The following LPA variants were observed in gnomAD, a reference collection of about 807,000 sequenced individuals.
The protein encoded by LPA is lipoprotein(a).
Under a neutral mutation model 197.9 loss-of-function variants are expected in LPA, and 199 were observed. The observed-to-expected ratio is 1.01, with a 90% CI of 0.90 to 1.13. The LOEUF is 1.13. Among genes scored for constraint, LPA ranks in the 50% most tolerant of loss-of-function variants. The probability of loss-of-function intolerance (pLI) is 0.00; values close to 1 mark genes in which losing one functional copy is unlikely to be tolerated. For missense variants in LPA, 1,853 were observed against 1,785.8 expected, an observed-to-expected ratio of 1.04 and a Z score of -0.68; for synonymous variants, 715 against 639.5, an observed-to-expected ratio of 1.12 and a Z score of -1.78.
Position 160,585,304 on chromosome 6 carries a change from T to C in LPA, c.4130-99A>G, listed in dbSNP as rs370373038. ...AGTGGAATAATCTGAGGATTAACAA[T>C]TTACACTCTTCTATATTAGCATGCA... On this transcript the variant is annotated intron_variant, in intron 25 of 38. Transcript: ENST00000316300. The C allele has an allele frequency of 3.6e-6, 4 of 1,105,786 alleles. No individual in the cohort carries two copies. The East Asian group carries it at 7.0e-5, about 19-fold the overall frequency. 68.5% of individuals were successfully genotyped at this position (1,105,786 alleles called of 1,614,324 possible). A position where few individuals can be genotyped will look rare whatever the true frequency, so the allele number is the denominator to read the frequency against.
At chr6:160,597,212 C>T (rs553482838) in intron 20 of LPA, among the ~76,000 whole-genome samples, 2 of 152,262 alleles carry the variant, frequency 1.3e-5, no homozygotes, top group Admixed American at 6.5e-5. Flanking sequence ...GTCTAATTTT[C>T]TGCATATTTG....
intron 23 of LPA, 61 bp downstream of exon 23, chr6:160,590,883 T>C (rs1562334600): frequency 1.9e-5 from 31 of 1,606,972 alleles, no homozygotes; most frequent in Non-Finnish European, 2.6e-5. Flanking sequence ...ATCACTAAGA[T>C]TTTGCAACTC....
rs977311758 is a variant in LPA, at chr6:160,599,603, A to G, written c.3184T>C (p.Tyr1062His). 5.6e-6 allele frequency: 9 copies of G among 1,613,982 alleles called. No homozygotes were observed. Among genetic ancestry groups the G allele is most frequent in the Non-Finnish European group, 7.6e-6 (9 of 1,179,992 alleles). ...ACAGTGGTGGAGTATGTGCCTCGGT[A>G]ACTCTGTCCATAATGGTAGTAGCAG... ...QDCYYHYGQS[Y>H]RGTYSTTVTG... is the part of the protein sequence containing the mutation. Residue 1062 changes from tyrosine (Y) to histidine (H), a missense_variant, in exon 20 of 39, where the codon TAC becomes CAC. Coordinates refer to ENST00000316300, the MANE Select transcript of LPA (RefSeq NM_005577.4).
At position 160,633,737 on chromosome 6, in the gene LPA, A is replaced by C. The variant is rs1779732963; in HGVS notation, c.1235+16T>G. ...CTTGGCCCTTTCTTCTCTTATGGTA[A>C]AGAACAAAGACATACGCATTTGGGT... is the stretch of plus-strand genomic sequence containing the variant. On this transcript the variant is annotated intron_variant, in intron 8 of 38. Transcript: ENST00000316300. 1 of 1,240,192 alleles carries C rather than the reference A, an allele frequency of 8.1e-7. No individual in the cohort carries two copies. Among genetic ancestry groups the C allele is most frequent in the African/African-American group, 2.4e-5 (1 of 42,194 alleles). 76.8% of individuals were successfully genotyped at this position (1,240,192 alleles called of 1,614,324 possible).
At chr6:160,580,533 TGAGA>T (rs1778773861) in intron 26 of LPA, among the ~76,000 whole-genome samples, 1 of 152,202 alleles carries the variant, frequency 6.6e-6, no homozygotes, top group African/African-American at 2.4e-5. Context: ...CACCAGCATA[TGAGA>T]GAGTGGCACA....
At position 160,654,036 on chromosome 6, in the gene LPA, TATATATAATATATAATATATTATATATA is replaced by T. The variant is rs1780074372; in HGVS notation, c.50-3567_50-3540del. On this transcript the variant is annotated intron_variant, in intron 1 of 38. Coordinates refer to ENST00000316300, the MANE Select transcript of LPA (RefSeq NM_005577.4). Reference sequence around the variant, plus strand: ...ATTATATATAATATATAATATATATTATATATAATATATAATATATTATATATATTATATATAATATATATTATATATA... The same window carrying T: ...ATTATATATAATATATAATATATATTTTATATATAATATATATTATATATA... Among the ~76,000 whole-genome samples the T allele has an allele frequency of 1.9e-4, 2 of 10,764 alleles. 1 individual carries two copies. The highest frequency in any genetic ancestry group is 2.8e-4 in the Non-Finnish European group (2 of 7,186). The allele number at this position is 10,764 out of a possible 152,430, so 7.1% of individuals were successfully genotyped here. A position where few individuals can be genotyped will look rare whatever the true frequency, so the allele number is the denominator to read the frequency against.
intron 28 of LPA, among the ~76,000 whole-genome samples, chr6:160,569,019 G>A (rs1778514429): frequency 6.6e-6 from 1 of 152,182 alleles, no homozygotes; most frequent in Non-Finnish European, 1.5e-5. Context: ...CATGCTCATG[G>A]ATAGGAAGAA....
intron 2 of LPA, among the ~76,000 whole-genome samples, chr6:160,648,029 G>T (rs1214580258): frequency 2.0e-5 from 3 of 152,088 alleles, no homozygotes; most frequent in African/African-American, 4.8e-5. Flanking sequence ...TACAGTTTCC[G>T]GTTTCTTTGT....
At chr6:160,557,661 T>A in intron 28 of LPA, 90 bp from the exon 29 acceptor site, 2 of 1,155,014 alleles carry the variant, frequency 1.7e-6, no homozygotes, top group Non-Finnish European at 2.6e-6. Context: ...AACAAAGTGT[T>A]AAAAAGTGAC....
intron 25 of LPA, 80 bp downstream of exon 25, chr6:160,586,369 G>T: frequency 6.5e-7 from 1 of 1,539,132 alleles, no homozygotes; most frequent in South Asian, 1.1e-5. Flanking sequence ...CAGCATGGAA[G>T]TTTTCTGCAT....
At chr6:160,532,473 A>G in intron 38 of LPA, 58 bp downstream of exon 38, 2 of 1,357,534 alleles carry the variant, frequency 1.5e-6, no homozygotes, top group South Asian at 1.2e-5. Context: ...ACTGACGTCT[A>G]AGGGACTGAG....
At chr6:160,610,764 T>C (rs551764150) in intron 16 of LPA, among the ~76,000 whole-genome samples, 2 of 152,274 alleles carry the variant, frequency 1.3e-5, no homozygotes, top group East Asian at 1.9e-4. Flanking sequence ...CTCCATCTCC[T>C]TGCTATTCAG....
intron 18 of LPA, among the ~76,000 whole-genome samples, chr6:160,604,503 G>T (rs1310812640): frequency 6.6e-6 from 1 of 152,050 alleles, no homozygotes; most frequent in Non-Finnish European, 1.5e-5. Context: ...ACTCTCATCT[G>T]CCTTCCTGCC....
At chr6:160,537,113 G>C (rs1050162334) in intron 37 of LPA, among the ~76,000 whole-genome samples, 1 of 152,162 alleles carries the variant, frequency 6.6e-6, no homozygotes, top group Non-Finnish European at 1.5e-5. Flanking sequence ...GAGACTTTAA[G>C]ACAGTTTCAG....
intron 1 of LPA, among the ~76,000 whole-genome samples, chr6:160,661,722 T>A (rs1780230378): frequency 6.6e-6 from 1 of 152,180 alleles, no homozygotes; most frequent in Non-Finnish European, 1.5e-5. Flanking sequence ...TATCAAAATA[T>A]CATTGAGAAA....
Position 160,605,160 on chromosome 6 carries a change from T to C in LPA, c.2831A>G (p.Asn944Ser), listed in dbSNP as rs1292950963. 1 of 1,614,028 alleles carries C rather than the reference T, an allele frequency of 6.2e-7. No individual in the cohort carries two copies. The highest frequency in any genetic ancestry group is 1.7e-5 in the Admixed American group (1 of 60,022). ...RPGVQECYHG[N>S]GQSYQGTYFI... ...GTATGTGCCTTGATAACTCTGTCCATTTCCGTGGTAGCACTCCTGCACCCC... is the reference window on the plus strand; with the variant it reads ...GTATGTGCCTTGATAACTCTGTCCACTTCCGTGGTAGCACTCCTGCACCCC... The change falls in exon 18 of 39, where the codon AAT becomes AGT. Residue 944 changes from asparagine to serine, a missense_variant. This residue lies in a region of LPA where 1,737 missense variants were observed against 1,504.4 expected (regional missense o/e 1.15). Coordinates refer to ENST00000316300, the MANE Select transcript of LPA (RefSeq NM_005577.4).
chr6:160,553,954 T>TGTGTGTGTGTGTGTGTGTGC (rs771903485), intron 30 of LPA, among the ~76,000 whole-genome samples: 3,311 of 130,648 alleles, frequency 0.025, 83 homozygotes, highest in Non-Finnish European at 0.035. Context: ...TGTGTGTGTG[T>TGTGTGTGTGTGTGTGTGTGC]GCGCGCGCGC....
chr6:160,569,296 G>GACCTAAAACCATAT (rs1436685822), intron 28 of LPA, among the ~76,000 whole-genome samples: 2 of 151,894 alleles, frequency 1.3e-5, no homozygotes, highest in Non-Finnish European at 2.9e-5. Flanking sequence ...ATAGACCAAT[G>GACCTAAAACCATAT]GAACAGAACA....
intron 1 of LPA, among the ~76,000 whole-genome samples, chr6:160,651,360 A>G (rs184473462): frequency 4.6e-5 from 7 of 152,204 alleles, no homozygotes; most frequent in African/African-American, 1.7e-4. Context: ...CTAATAATAG[A>G]TAGGAACACT....
Sources: allele counts gnomAD v4.1 joint callset (sites outside exome capture counted in the v4.1 genomes callset), GRCh38; gene constraint gnomAD v4.1.1; regional missense constraint gnomAD v4.1.1; transcripts MANE v1.5; gene names NCBI Gene and HGNC (gene_info 2026-07-23, HGNC 2026-07-21).